AMY2B: variants seen among roughly 807,000 people sequenced by gnomAD.
AMY2B encodes amylase alpha 2B.
A neutral mutation model predicts 59.3 loss-of-function variants in AMY2B; 63 were observed. The ratio of observed to expected loss-of-function variants is 1.06; its 90% confidence interval spans 0.87 to 1.31. AMY2B has a LOEUF of 1.31. Ranked by LOEUF, AMY2B falls within the 50% of genes most tolerant of loss-of-function variation. The pLI is 0.00. For synonymous variants in AMY2B, 180 were observed against 198.1 expected, an observed-to-expected ratio of 0.91 and a Z score of 0.77; for missense variants, 635 against 626.7, an observed-to-expected ratio of 1.01 and a Z score of -0.14.
intron 9 of AMY2B, among the ~76,000 whole-genome samples, chr1:103,578,182 A>G (rs539770013): frequency 2.0e-5 from 3 of 152,300 alleles, no homozygotes; most frequent in South Asian, 4.1e-4. Context: ...TTAAAAGAAC[A>G]TGTCTTATAT....
chr1:103,558,572 G>T (rs769142268), intron 1 of AMY2B, among the ~76,000 whole-genome samples: 1 of 151,974 alleles, frequency 6.6e-6, no homozygotes, highest in Non-Finnish European at 1.5e-5. Flanking sequence ...TATAAAAAAT[G>T]ATGACATTTA....
At chr1:103,565,183 T>C (rs1247109886) in intron 1 of AMY2B, 3 of 152,176 alleles carry the variant, frequency 2.0e-5, no homozygotes, top group African/African-American at 7.2e-5. Context: ...GGGGGATTGG[T>C]TCCAGGACCT....
intron 1 of AMY2B, among the ~76,000 whole-genome samples, chr1:103,558,762 GAAAAAAA>G (rs781030633): frequency 8.1e-5 from 6 of 74,138 alleles, no homozygotes; most frequent in African/African-American, 2.9e-4. Context: ...GACCCCAACT[GAAAAAAA>G]AAAAAAAAAA....
intron 7 of AMY2B, among the ~76,000 whole-genome samples, chr1:103,576,507 T>G (rs1360069655): frequency 6.6e-6 from 1 of 152,164 alleles, no homozygotes; most frequent in African/African-American, 2.4e-5. Context: ...TAAAAACTCT[T>G]AGTTTTGTTC....
upstream of AMY2B, chr1:103,570,389 C>T (rs1652077973): frequency 2.3e-6 from 2 of 868,826 alleles, no homozygotes; most frequent in South Asian, 1.3e-5. Flanking sequence ...CCATCTTCAA[C>T]TCCATCATGA....
intron 1 of AMY2B, among the ~76,000 whole-genome samples, chr1:103,556,412 AAAG>A (rs1242067430): frequency 6.6e-6 from 1 of 152,174 alleles, no homozygotes; most frequent in Non-Finnish European, 1.5e-5. Flanking sequence ...GTGAGAAAAT[AAAG>A]AAGGTTGAGA....
At chr1:103,566,607 A>G (rs756337101), upstream of AMY2B, among the ~76,000 whole-genome samples, 11 of 152,130 alleles carry the variant, frequency 7.2e-5, no homozygotes, top group Non-Finnish European at 1.6e-4. Context: ...TTAGTAGCCA[A>G]TTGTTTCTAG....
chr1:103,572,735 G>C (rs72466610), intron 2 of AMY2B, among the ~76,000 whole-genome samples: 1 of 152,080 alleles, frequency 6.6e-6, no homozygotes, highest in Admixed American at 6.6e-5. Context: ...CCTGGTGACC[G>C]ACTGTAATTT....
chr1:103,575,208 AT>A lies in AMY2B; in HGVS notation c.879-10del. ...GAAATGATACATCAACATATATCTT[AT>A]TTTTCAAAAATAGGAACTGGGGAGA... On this transcript the variant is annotated splice_polypyrimidine_tract_variant and intron_variant, in intron 5 of 9. Coordinates refer to ENST00000684275, the MANE Select transcript of AMY2B (RefSeq NM_001387437.1). The A allele has an allele frequency of 6.2e-7, 1 of 1,613,106 alleles. No individual in the cohort carries two copies. Among genetic ancestry groups the A allele is most frequent in the Non-Finnish European group, 8.5e-7 (1 of 1,179,430 alleles).
At chr1:103,574,055 T>C in intron 4 of AMY2B, 117 bp downstream of exon 4, 2 of 1,563,748 alleles carry the variant, frequency 1.3e-6, no homozygotes, top group Non-Finnish European at 1.7e-6. Flanking sequence ...TATAAAATGG[T>C]GTTCTTTAAC....
At chr1:103,574,076 C>T (rs1652247506) in intron 4 of AMY2B, 138 bp downstream of exon 4, 1 of 1,517,556 alleles carries the variant, frequency 6.6e-7, no homozygotes, top group South Asian at 1.3e-5. Context: ...CTCCTCTTCA[C>T]ATACAGCATA....
chr1:103,563,380 A>T (rs1651798984), intron 1 of AMY2B, among the ~76,000 whole-genome samples: 1 of 152,144 alleles, frequency 6.6e-6, no homozygotes, highest in Admixed American at 6.6e-5. Context: ...CTCTAAGGAT[A>T]ACTCTTTTAG....
intron 1 of AMY2B, among the ~76,000 whole-genome samples, chr1:103,558,453 G>A (rs1248651895): frequency 2.0e-5 from 3 of 152,044 alleles, no homozygotes; most frequent in Admixed American, 1.3e-4. Context: ...TAGGATCAGA[G>A]AATATTAACA....
intron 1 of AMY2B, chr1:103,565,184 T>G (rs746474579): frequency 6.6e-6 from 1 of 152,200 alleles, no homozygotes; most frequent in African/African-American, 2.4e-5. Flanking sequence ...GGGGATTGGT[T>G]CCAGGACCTC....
chr1:103,558,487 C>T (rs966568465), intron 1 of AMY2B, among the ~76,000 whole-genome samples: 2 of 152,020 alleles, frequency 1.3e-5, no homozygotes, highest in African/African-American at 4.8e-5. Context: ...TTGGAATGAA[C>T]TTGTTCAATG....
intron 7 of AMY2B, 21 bp from the exon 8 acceptor site, chr1:103,577,469 G>T (rs771504069): frequency 1.9e-6 from 3 of 1,611,780 alleles, no homozygotes; most frequent in Non-Finnish European, 1.7e-6. Flanking sequence ...TTAAAATTTG[G>T]CTTTTCACCC....
intron 1 of AMY2B, 25 bp from the exon 2 acceptor site, chr1:103,572,085 G>A (rs370738646): frequency 1.9e-5 from 30 of 1,611,322 alleles, no homozygotes; most frequent in Non-Finnish European, 2.4e-5. Flanking sequence ...GAATTTGGTA[G>A]TTATGAAGAC....
intron 1 of AMY2B, 79 bp from the exon 2 acceptor site, chr1:103,572,031 T>A: frequency 1.3e-6 from 2 of 1,592,378 alleles, no homozygotes; most frequent in Non-Finnish European, 1.7e-6. Flanking sequence ...AAGAATTTTT[T>A]ATATTATTGA....
In AMY2B at chr1:103,572,144, A is replaced by G. The variant is rs1362838858; in HGVS notation, c.203A>G (p.Asn68Ser). 2 of 1,611,724 alleles carry G rather than the reference A, an allele frequency of 1.2e-6. No homozygotes were observed. Among genetic ancestry groups the G allele is most frequent in the East Asian group, 4.5e-5 (2 of 44,800 alleles). The change falls in exon 2 of 10, where the codon AAC (asparagine) becomes AGC (serine). Residue 68 changes from asparagine (N) to serine (S), a missense_variant. Transcript: ENST00000684275. ...CCAAATGAAAATGTTGCAATTCACA[A>G]CCCTTTCAGACCTTGGTGGGAAAGA... ...SPPNENVAIH[N>S]PFRPWWERYQ...
Sources: allele counts gnomAD v4.1 joint callset (sites outside exome capture counted in the v4.1 genomes callset), GRCh38; gene constraint gnomAD v4.1.1; transcripts MANE v1.5; gene names NCBI Gene and HGNC (gene_info 2026-07-23, HGNC 2026-07-21).